Variants in PDE1C observed in about 807,000 individuals in gnomAD.
The protein encoded by PDE1C is phosphodiesterase 1C, also known as dual specificity calcium/calmodulin-dependent 3',5'-cyclic nucleotide phosphodiesterase 1C.
PDE1C carries 62 observed loss-of-function variants against 93.1 expected under a neutral mutation model. That is an observed-to-expected ratio of 0.67 (90% CI 0.54 to 0.82). The LOEUF is 0.82. Among genes scored for constraint, PDE1C ranks in the 40% least tolerant of loss-of-function variants. The pLI is 0.00. For missense variants in PDE1C, 742 were observed against 884.6 expected (o/e 0.84, Z 2.04); for synonymous variants, 325 against 310.1 (o/e 1.05, Z -0.50).
intron 3 of PDE1C, among the ~76,000 whole-genome samples, chr7:32,104,939 C>G (rs979425463): frequency 2.0e-5 from 3 of 152,112 alleles, no homozygotes; most frequent in Non-Finnish European, 2.9e-5. Context: ...ATTTGGTTTT[C>G]CTCTTCAAGG....
chr7:32,134,229 A>G (rs1383065890), intron 3 of PDE1C, among the ~76,000 whole-genome samples: 1 of 152,268 alleles, frequency 6.6e-6, no homozygotes, highest in East Asian at 1.9e-4. Flanking sequence ...CCAGAGGAAA[A>G]TAATAAAAAA....
chr7:31,889,133 G>A (rs1258638868), intron 2 of PDE1C, among the ~76,000 whole-genome samples: 1 of 152,154 alleles, frequency 6.6e-6, no homozygotes, highest in Non-Finnish European at 1.5e-5. Context: ...CAAGTCATTT[G>A]GTGGAAACCG....
intron 2 of PDE1C, among the ~76,000 whole-genome samples, chr7:32,039,213 T>C (rs1791501591): frequency 6.6e-6 from 1 of 152,144 alleles, no homozygotes; most frequent in Admixed American, 6.5e-5. Context: ...TAATGGGTCA[T>C]GAGTGAGTAG....
intron 1 of PDE1C, among the ~76,000 whole-genome samples, chr7:32,403,026 C>T (rs1197829904): frequency 1.3e-5 from 2 of 152,088 alleles, no homozygotes; most frequent in Non-Finnish European, 1.5e-5. Context: ...CTGTGGGGTG[C>T]GCCCACCCGA....
chr7:31,622,926 C>A, the PDE1C span, among the ~76,000 whole-genome samples: 1 of 152,140 alleles, frequency 6.6e-6, no homozygotes, highest in African/African-American at 2.4e-5. Context: ...AAGGGGATAT[C>A]ACCACCAATC....
chr7:32,137,401 A>G (rs1404320087), intron 3 of PDE1C, among the ~76,000 whole-genome samples: 2 of 152,214 alleles, frequency 1.3e-5, no homozygotes, highest in Non-Finnish European at 2.9e-5. Context: ...AACACAATGA[A>G]ACCAATCCCT....
At chr7:31,984,495 C>G (rs1783110542) in intron 2 of PDE1C, among the ~76,000 whole-genome samples, 1 of 152,172 alleles carries the variant, frequency 6.6e-6, no homozygotes, top group Admixed American at 6.5e-5. Flanking sequence ...TCCTTGTTTT[C>G]TCTTTCCCTG....
intron 3 of PDE1C, among the ~76,000 whole-genome samples, chr7:32,107,383 G>C (rs970530215): frequency 6.6e-6 from 1 of 151,602 alleles, no homozygotes; most frequent in African/African-American, 2.4e-5. Flanking sequence ...AGGGAAGGAA[G>C]GAATTTAAAG....
At chr7:32,374,567 C>T (rs1037990599) in intron 1 of PDE1C, among the ~76,000 whole-genome samples, 1 of 152,236 alleles carries the variant, frequency 6.6e-6, no homozygotes, top group Non-Finnish European at 1.5e-5. Flanking sequence ...GAAAGAGCCA[C>T]CACATGATTT....
intron 3 of PDE1C, among the ~76,000 whole-genome samples, chr7:32,163,615 A>T (rs140559430): frequency 0.012 from 1,757 of 152,264 alleles, 16 homozygotes; most frequent in South Asian, 0.028. Flanking sequence ...CTCTGTAGGG[A>T]GTAAGCACAT....
At chr7:32,320,330 C>T (rs73089962) in intron 1 of PDE1C, among the ~76,000 whole-genome samples, 6,141 of 151,992 alleles carry the variant, frequency 0.04, 265 homozygotes, top group South Asian at 0.18. Flanking sequence ...ACAGGTAGAA[C>T]TGGGGAACAA....
intron 2 of PDE1C, among the ~76,000 whole-genome samples, chr7:31,991,338 A>G (rs1447335053): frequency 3.9e-5 from 6 of 152,192 alleles, no homozygotes; most frequent in East Asian, 1.9e-4. Flanking sequence ...TGAGGCAAAG[A>G]TTGGAAATGA....
chr7:31,801,112 T>C (rs145104047), intron 16 of PDE1C, among the ~76,000 whole-genome samples: 5 of 149,650 alleles, frequency 3.3e-5, no homozygotes, highest in African/African-American at 1.2e-4. Context: ...GTAAACCCAA[T>C]AGCAAGCAGA....
intron 2 of PDE1C, among the ~76,000 whole-genome samples, chr7:31,887,306 A>G (rs529589217): frequency 6.6e-6 from 1 of 152,352 alleles, no homozygotes; most frequent in East Asian, 1.9e-4. Flanking sequence ...AGTGCCAACA[A>G]AAATTATGAC....
At chr7:32,207,847 C>G (rs1017085) in intron 2 of PDE1C, among the ~76,000 whole-genome samples, 66,182 of 152,050 alleles carry the variant, frequency 0.44, 14,848 homozygotes, top group South Asian at 0.61. Context: ...CGCCCTCCCC[C>G]CAACCTTCGT....
chr7:31,633,451 G>A, the PDE1C span, among the ~76,000 whole-genome samples: 2 of 152,148 alleles, frequency 1.3e-5, no homozygotes, highest in Admixed American at 1.3e-4. Context: ...TGGAAGGGAG[G>A]TGGCACCATC....
At chr7:31,901,019 T>C (rs920536320) in intron 2 of PDE1C, among the ~76,000 whole-genome samples, 5 of 151,482 alleles carry the variant, frequency 3.3e-5, no homozygotes, top group Non-Finnish European at 7.4e-5. Flanking sequence ...CTTTTTTAAA[T>C]GATAAAGAAT....
chr7:31,998,726 C>T (rs1785082327), intron 2 of PDE1C, among the ~76,000 whole-genome samples: 1 of 152,168 alleles, frequency 6.6e-6, no homozygotes, highest in Admixed American at 6.5e-5. Context: ...CACAAAAATT[C>T]TAATACTAAA....
At chr7:31,922,455 A>G (rs1327034547) in intron 2 of PDE1C, among the ~76,000 whole-genome samples, 1 of 152,192 alleles carries the variant, frequency 6.6e-6, no homozygotes, top group Non-Finnish European at 1.5e-5. Flanking sequence ...CTGTAATCCT[A>G]CTAACTTTTC....
Sources: gnomAD v4.1 joint callset for allele counts (sites outside exome capture counted in the v4.1 genomes callset) on GRCh38, gnomAD v4.1.1 for gene constraint, MANE v1.5 for transcripts, NCBI Gene and HGNC (gene_info 2026-07-23, HGNC 2026-07-21) for gene names.